The following CYSLTR1 variants were observed in gnomAD, a reference collection of about 807,000 sequenced individuals.
CYSLTR1 encodes G-protein coupled receptor HG55.
Under a neutral mutation model 2.1 loss-of-function variants are expected in CYSLTR1, and 1 was observed. The ratio of observed to expected loss-of-function variants is 0.48; its 90% CI spans 0.17 to 2.28. The LOEUF is 2.28. CYSLTR1 is among the 30% of genes most tolerant of loss of function. The pLI, the probability that CYSLTR1 is intolerant of heterozygous loss-of-function variation, is 0.26. For missense variants in CYSLTR1, 299 were observed against 250.1 expected, an observed-to-expected ratio of 1.20 and a Z score of -1.32; for synonymous variants, 110 against 89.6, an observed-to-expected ratio of 1.23 and a Z score of -1.28.
chrX:78,322,791 G>C (rs998995417), intron 1 of CYSLTR1, among the ~76,000 whole-genome samples: 1 of 111,571 alleles, frequency 9.0e-6, no homozygotes, highest in East Asian at 2.8e-4. Context: ...CTGATACTTC[G>C]TTGCTGACAG....
intron 2 of CYSLTR1, among the ~76,000 whole-genome samples, chrX:78,280,543 G>T (rs1283738792): frequency 9.3e-6 from 1 of 107,857 alleles, no homozygotes; most frequent in Non-Finnish European, 1.9e-5. Context: ...GGGTAAGAAT[G>T]CTTAAGATCT....
chrX:78,303,559 C>T (rs917220821), intron 1 of CYSLTR1, among the ~76,000 whole-genome samples: 2 of 110,928 alleles, frequency 1.8e-5, no homozygotes, highest in African/African-American at 6.6e-5. Flanking sequence ...TAATCCTACC[C>T]CAGTCCCACT....
intron 1 of CYSLTR1, among the ~76,000 whole-genome samples, chrX:78,299,019 A>C (rs1281776400): frequency 9.1e-6 from 1 of 110,165 alleles, no homozygotes; most frequent in Non-Finnish European, 1.9e-5. Context: ...CTTGCTTATT[A>C]TTTTTTGTGC....
intron 1 of CYSLTR1, among the ~76,000 whole-genome samples, chrX:78,284,382 TTTTTTAAAA>T (rs1423487121): frequency 9.0e-6 from 1 of 111,474 alleles, no homozygotes; most frequent in Admixed American, 9.6e-5. Flanking sequence ...AGTTTATTCT[TTTTTTAAAA>T]TTTTTAAAAT....
intron 2 of CYSLTR1, among the ~76,000 whole-genome samples, chrX:78,279,728 A>G (rs1569552193): frequency 8.9e-6 from 1 of 112,259 alleles, no homozygotes; most frequent in Non-Finnish European, 1.9e-5. Flanking sequence ...TGATAAAGAA[A>G]ACATGGTATG....
chrX:78,316,546 T>G (rs896246763), intron 1 of CYSLTR1, among the ~76,000 whole-genome samples: 1 of 111,873 alleles, frequency 8.9e-6, no homozygotes, highest in Admixed American at 9.5e-5. Flanking sequence ...TGGAGCACTA[T>G]AGGAGCGAGG....
intron 1 of CYSLTR1, among the ~76,000 whole-genome samples, chrX:78,302,295 C>T (rs1458887167): frequency 8.9e-6 from 1 of 112,396 alleles, no homozygotes; most frequent in Non-Finnish European, 1.9e-5. Flanking sequence ...GCCTTGGACT[C>T]ACCCTGCATG....
At chrX:78,289,278 G>A (rs1415060068) in intron 1 of CYSLTR1, among the ~76,000 whole-genome samples, 3 of 111,433 alleles carry the variant, frequency 2.7e-5, no homozygotes, top group Non-Finnish European at 5.7e-5. Context: ...CCATGTCCCT[G>A]CAAAGGACAT....
intron 1 of CYSLTR1, among the ~76,000 whole-genome samples, chrX:78,325,345 A>T (rs1354614199): frequency 8.9e-6 from 1 of 111,806 alleles, no homozygotes; most frequent in African/African-American, 3.2e-5. Context: ...CTGTCTCCCC[A>T]TGCAGTCAGT....
intron 1 of CYSLTR1, among the ~76,000 whole-genome samples, chrX:78,318,647 T>C (rs1427098503): frequency 8.9e-6 from 1 of 112,335 alleles, no homozygotes; most frequent in Non-Finnish European, 1.9e-5. Context: ...GCTTATTAGA[T>C]TGCTCTACTT....
chrX:78,306,310 C>T (rs1025855555), intron 1 of CYSLTR1, among the ~76,000 whole-genome samples: 19 of 110,472 alleles, frequency 1.7e-4, no homozygotes, highest in African/African-American at 5.6e-4. Flanking sequence ...ATTACAGGTG[C>T]CCGCCACCAT....
intron 2 of CYSLTR1, among the ~76,000 whole-genome samples, chrX:78,278,658 C>T (rs1316615805): frequency 8.9e-6 from 1 of 112,149 alleles, no homozygotes; most frequent in Non-Finnish European, 1.9e-5. Context: ...ACACCCAAAG[C>T]AAACTAAGCA....
intron 1 of CYSLTR1, among the ~76,000 whole-genome samples, chrX:78,300,889 C>T (rs757568783): frequency 8.9e-6 from 1 of 112,917 alleles, no homozygotes; most frequent in South Asian, 3.6e-4. Flanking sequence ...GCCTGTACAT[C>T]CAGGCATTTC....
At chrX:78,273,811 C>T in intron 2 of CYSLTR1, 38 bp from the exon 3 acceptor site, 3 of 1,046,330 alleles carry the variant, frequency 2.9e-6, no homozygotes, top group Non-Finnish European at 3.9e-6. Flanking sequence ...TTTAACTAGA[C>T]CATAAATTAC....
chrX:78,303,762 C>T (rs779268848), intron 1 of CYSLTR1, among the ~76,000 whole-genome samples: 1 of 111,492 alleles, frequency 9.0e-6, no homozygotes, highest in Non-Finnish European at 1.9e-5. Flanking sequence ...GACTATTAGG[C>T]CAAAGATTTG....
At chrX:78,304,886 AC>A (rs1216345206) in intron 1 of CYSLTR1, among the ~76,000 whole-genome samples, 1 of 111,861 alleles carries the variant, frequency 8.9e-6, no homozygotes, top group Non-Finnish European at 1.9e-5. Flanking sequence ...ACTCTGGAAA[AC>A]TTTGTAATTT....
At chrX:78,289,668 G>A (rs1922231805) in intron 1 of CYSLTR1, among the ~76,000 whole-genome samples, 1 of 112,121 alleles carries the variant, frequency 8.9e-6, no homozygotes, top group South Asian at 3.7e-4. Flanking sequence ...ACTGGCGTGA[G>A]ATGGTATCTC....
At chrX:78,315,124 C>A (rs751447576) in intron 1 of CYSLTR1, among the ~76,000 whole-genome samples, 3 of 107,344 alleles carry the variant, frequency 2.8e-5, no homozygotes, top group African/African-American at 1.0e-4. Context: ...GGCCCCCTTT[C>A]CAGGCCCTAG....
chrX:78,294,261 G>A (rs761743447), intron 1 of CYSLTR1, among the ~76,000 whole-genome samples: 1 of 112,559 alleles, frequency 8.9e-6, no homozygotes, highest in African/African-American at 3.2e-5. Flanking sequence ...CACTCCAGAC[G>A]CTGTTTGCCT....
Sources: gnomAD v4.1 joint callset for allele counts (sites outside exome capture counted in the v4.1 genomes callset) on GRCh38, gnomAD v4.1.1 for gene constraint, MANE v1.5 for transcripts, NCBI Gene and HGNC (gene_info 2026-07-23, HGNC 2026-07-21) for gene names.